The following GRIK1 variants were observed in gnomAD, a reference collection of about 807,000 sequenced individuals.
The protein encoded by GRIK1 is glutamate receptor ionotropic, kainate 1.
A neutral mutation model predicts 105.7 loss-of-function variants in GRIK1; 69 were observed. That is an observed-to-expected ratio of 0.65 (90% CI 0.54 to 0.80). GRIK1 has a LOEUF of 0.80. GRIK1 is among the 30% of genes least tolerant of loss of function. The pLI is 0.00. For synonymous variants in GRIK1, 438 were observed against 431.3 expected (o/e 1.02, Z -0.19); for missense variants, 1,109 against 1,167.3 (o/e 0.95, Z 0.73).
At chr21:29,809,189 A>G (rs1281448395) in intron 1 of GRIK1, among the ~76,000 whole-genome samples, 2 of 152,184 alleles carry the variant, frequency 1.3e-5, no homozygotes, top group Admixed American at 1.3e-4. Context: ...CTCCAGGTTA[A>G]GACTGTAATC....
intron 16 of GRIK1, among the ~76,000 whole-genome samples, chr21:29,550,608 C>T (rs2090118019): frequency 6.6e-6 from 1 of 152,160 alleles, no homozygotes; most frequent in African/African-American, 2.4e-5. Flanking sequence ...AGTTTGGGTC[C>T]TTCTTTCGAG....
intron 7 of GRIK1, among the ~76,000 whole-genome samples, chr21:29,633,253 G>T (rs2062321937): frequency 9.4e-6 from 1 of 106,536 alleles, no homozygotes; most frequent in Non-Finnish European, 1.8e-5. Flanking sequence ...TGTAATCTCA[G>T]CACTTTAGGA....
intron 1 of GRIK1, among the ~76,000 whole-genome samples, chr21:29,729,505 G>T (rs998769411): frequency 1.3e-5 from 2 of 152,126 alleles, no homozygotes; most frequent in Non-Finnish European, 2.9e-5. Flanking sequence ...ACACCTACAG[G>T]CACCTCTTCA....
Position 29,609,457 on chromosome 21 carries a change from G to C in GRIK1, c.1099-10520C>G, listed in dbSNP as rs146699586. 3.6e-3 allele frequency among the ~76,000 whole-genome samples: 554 copies of C among 152,250 alleles called. 2 individuals are homozygous for C. The highest frequency in any genetic ancestry group is 0.013 in the African/African-American group (530 of 41,550). ...TTCACATTATGTGTCAATTTGACTG[G>C]GTGATGGGCCCACATTAAACGTTGT... On this transcript the variant is annotated intron_variant, in intron 7 of 17. Coordinates refer to ENST00000327783, the MANE Select transcript of GRIK1 (RefSeq NM_001330994.2).
At chr21:29,616,786 A>G (rs769888963) in intron 7 of GRIK1, among the ~76,000 whole-genome samples, 10 of 152,228 alleles carry the variant, frequency 6.6e-5, no homozygotes, top group Non-Finnish European at 1.0e-4. Flanking sequence ...GTGAGAAAAA[A>G]AACTGCTTGA....
intron 1 of GRIK1, among the ~76,000 whole-genome samples, chr21:29,813,161 G>T (rs2067059032): frequency 6.6e-6 from 1 of 152,110 alleles, no homozygotes; most frequent in Non-Finnish European, 1.5e-5. Context: ...TCAAGGAGGT[G>T]CTGCCAAGAT....
At chr21:29,547,040 C>G (rs1005989059) in intron 16 of GRIK1, among the ~76,000 whole-genome samples, 9 of 152,170 alleles carry the variant, frequency 5.9e-5, no homozygotes, top group African/African-American at 2.2e-4. Flanking sequence ...ATTTATCATC[C>G]TCTTTTGTGA....
At chr21:29,565,689 C>A (rs938269520) in intron 14 of GRIK1, among the ~76,000 whole-genome samples, 1 of 152,226 alleles carries the variant, frequency 6.6e-6, no homozygotes, top group African/African-American at 2.4e-5. Context: ...CTGCCTCGGC[C>A]TCCCAAAGTG....
intron 1 of GRIK1, among the ~76,000 whole-genome samples, chr21:29,854,351 G>T (rs556819060): frequency 6.6e-6 from 1 of 152,022 alleles, no homozygotes; most frequent in Non-Finnish European, 1.5e-5. Context: ...CCCCCACCAA[G>T]CCCCACCTCC....
chr21:29,800,147 A>T (rs1215261507), intron 1 of GRIK1, among the ~76,000 whole-genome samples: 1 of 152,142 alleles, frequency 6.6e-6, no homozygotes, highest in African/African-American at 2.4e-5. Flanking sequence ...CTTATAAGTT[A>T]TCTGGATCAC....
chr21:29,749,929 T>G (rs1026682682), intron 1 of GRIK1, among the ~76,000 whole-genome samples: 1 of 152,132 alleles, frequency 6.6e-6, no homozygotes, highest in Admixed American at 6.5e-5. Context: ...ATATCAAAAG[T>G]ACGTAATCTA....
At chr21:29,710,725 T>C (rs2064024765) in intron 1 of GRIK1, among the ~76,000 whole-genome samples, 1 of 152,038 alleles carries the variant, frequency 6.6e-6, no homozygotes, top group African/African-American at 2.4e-5. Flanking sequence ...CCATTATTGT[T>C]ATATTTTTCT....
chr21:29,611,762 C>T (rs898352671), intron 7 of GRIK1, among the ~76,000 whole-genome samples: 2 of 152,174 alleles, frequency 1.3e-5, no homozygotes, highest in African/African-American at 4.8e-5. Context: ...GGGCTTATTT[C>T]TCCATTTTAC....
At chr21:29,751,385 C>A (rs992734041) in intron 1 of GRIK1, among the ~76,000 whole-genome samples, 1 of 152,210 alleles carries the variant, frequency 6.6e-6, no homozygotes, top group Non-Finnish European at 1.5e-5. Context: ...CCTTAGCTTA[C>A]CTCCCTTTCA....
At chr21:29,925,947 C>T (rs186425196) in intron 1 of GRIK1, among the ~76,000 whole-genome samples, 43 of 152,114 alleles carry the variant, frequency 2.8e-4, no homozygotes, top group Non-Finnish European at 7.4e-5. Context: ...TTGTAATGGC[C>T]GTAGACTCTA....
intron 4 of GRIK1, among the ~76,000 whole-genome samples, chr21:29,672,126 C>T (rs1370455828): frequency 6.8e-6 from 1 of 147,234 alleles, no homozygotes; most frequent in African/African-American, 2.5e-5. Flanking sequence ...GGTGTGATCT[C>T]GTCTCACTGC....
At chr21:29,718,064 A>G (rs892589896) in intron 1 of GRIK1, among the ~76,000 whole-genome samples, 2 of 152,154 alleles carry the variant, frequency 1.3e-5, no homozygotes, top group Non-Finnish European at 2.9e-5. Context: ...CACCATGTGA[A>G]GAAGGATGTG....
At chr21:29,923,814 T>C (rs2071266385) in intron 1 of GRIK1, among the ~76,000 whole-genome samples, 1 of 152,202 alleles carries the variant, frequency 6.6e-6, no homozygotes, top group African/African-American at 2.4e-5. Flanking sequence ...AATAGGCTTT[T>C]CTAAGAGGAG....
intron 2 of GRIK1, among the ~76,000 whole-genome samples, chr21:29,692,210 G>A (rs1407924157): frequency 6.6e-6 from 1 of 152,204 alleles, no homozygotes; most frequent in African/African-American, 2.4e-5. Context: ...AAGTAAGCCA[G>A]GTACTTCAGA....
Sources: gnomAD v4.1 joint callset for allele counts (sites outside exome capture counted in the v4.1 genomes callset) on GRCh38, gnomAD v4.1.1 for gene constraint, MANE v1.5 for transcripts, NCBI Gene and HGNC (gene_info 2026-07-23, HGNC 2026-07-21) for gene names.